The following REDIC1 variants were observed in gnomAD, a reference collection of about 807,000 sequenced individuals.
The protein encoded by REDIC1 is HEI10 Interacting Protein 1.
the REDIC1 span, among the ~76,000 whole-genome samples, chr12:39,629,197 T>C: frequency 1.3e-5 from 2 of 152,182 alleles, no homozygotes; most frequent in Non-Finnish European, 2.9e-5. Context: ...ATTGGAGATC[T>C]AGGTTTCAGC....
the REDIC1 span, among the ~76,000 whole-genome samples, chr12:39,844,177 A>G: frequency 1.3e-5 from 2 of 152,066 alleles, no homozygotes; most frequent in Non-Finnish European, 2.9e-5. Flanking sequence ...ATAGTTAACT[A>G]GTTGTGTTAC....
At chr12:39,794,870 A>G in the REDIC1 span, among the ~76,000 whole-genome samples, 2 of 152,204 alleles carry the variant, frequency 1.3e-5, no homozygotes, top group South Asian at 2.1e-4. Context: ...ATAAAATTAA[A>G]TTCTCTTCTG....
the REDIC1 span, among the ~76,000 whole-genome samples, chr12:39,712,036 A>ATATACCTACCTGTATGTATG: frequency 7.0e-6 from 1 of 142,478 alleles, no homozygotes; most frequent in Non-Finnish European, 1.6e-5. Context: ...ATACATGTAT[A>ATATACCTACCTGTATGTATG]TATACCTACC....
the REDIC1 span, among the ~76,000 whole-genome samples, chr12:39,833,109 T>C: frequency 6.6e-6 from 1 of 152,096 alleles, no homozygotes; most frequent in South Asian, 2.1e-4. Flanking sequence ...ACTACAACTG[T>C]TGAGAAAAAT....
At chr12:39,894,646 C>T in the REDIC1 span, among the ~76,000 whole-genome samples, 3 of 152,134 alleles carry the variant, frequency 2.0e-5, no homozygotes, top group Non-Finnish European at 4.4e-5. Context: ...TCTATTTGGG[C>T]TAATGTATAT....
the REDIC1 span, among the ~76,000 whole-genome samples, chr12:39,680,616 C>T: frequency 6.6e-6 from 1 of 152,096 alleles, no homozygotes; most frequent in Admixed American, 6.5e-5. Flanking sequence ...TCCAGCAATC[C>T]CACTGCTGGG....
At chr12:39,873,992 T>C in the REDIC1 span, among the ~76,000 whole-genome samples, 2 of 152,210 alleles carry the variant, frequency 1.3e-5, no homozygotes, top group Non-Finnish European at 2.9e-5. Context: ...CCCACAGATA[T>C]GTTATTAAAT....
the REDIC1 span, among the ~76,000 whole-genome samples, chr12:39,896,083 C>CAT: frequency 0.98 from 141,993 of 145,108 alleles, 69,487 homozygotes; most frequent in Non-Finnish European, 1. Flanking sequence ...TACACGTGTA[C>CAT]ATATATGTAT....
chr12:39,704,082 TTAAAG>T, the REDIC1 span, among the ~76,000 whole-genome samples: 2 of 152,200 alleles, frequency 1.3e-5, no homozygotes, highest in South Asian at 2.1e-4. Flanking sequence ...TGCGATCTAA[TTAAAG>T]TAAAGAGCTT....
At chr12:39,723,560 T>C in the REDIC1 span, among the ~76,000 whole-genome samples, 1 of 152,072 alleles carries the variant, frequency 6.6e-6, no homozygotes. Context: ...GAAATAAACA[T>C]TGTTTTCATT....
At chr12:39,703,727 G>C in the REDIC1 span, among the ~76,000 whole-genome samples, 41 of 152,058 alleles carry the variant, frequency 2.7e-4, no homozygotes, top group Non-Finnish European at 3.8e-4. Context: ...GGTACCAAAA[G>C]AGAGATATAG....
chr12:39,858,226 G>T, the REDIC1 span, among the ~76,000 whole-genome samples: 166 of 152,226 alleles, frequency 1.1e-3, no homozygotes, highest in African/African-American at 3.9e-3. Flanking sequence ...TGGCAATAAG[G>T]TCACAGGATG....
chr12:39,803,851 G>A, the REDIC1 span, among the ~76,000 whole-genome samples: 1 of 152,108 alleles, frequency 6.6e-6, no homozygotes, highest in Non-Finnish European at 1.5e-5. Context: ...TTTCATAACT[G>A]ATGGAAAACA....
At chr12:39,751,924 G>T in the REDIC1 span, among the ~76,000 whole-genome samples, 2 of 152,122 alleles carry the variant, frequency 1.3e-5, no homozygotes, top group Admixed American at 6.5e-5. Context: ...AAGGGGGAGG[G>T]AAAGCATTAG....
the REDIC1 span, among the ~76,000 whole-genome samples, chr12:39,679,972 T>TTA: frequency 0.026 from 4,020 of 152,234 alleles, 66 homozygotes; most frequent in Middle Eastern, 0.044. Flanking sequence ...ATCTCTCACC[T>TTA]TATATAAAAA....
At chr12:39,754,321 T>A in the REDIC1 span, 1 of 152,126 alleles carries the variant, frequency 6.6e-6, no homozygotes, top group Admixed American at 6.6e-5. Context: ...TATTCAGGTG[T>A]CCGTTATTCA....
the REDIC1 span, among the ~76,000 whole-genome samples, chr12:39,785,675 C>A: frequency 6.6e-6 from 1 of 152,178 alleles, no homozygotes; most frequent in East Asian, 1.9e-4. Flanking sequence ...ACACTCAACG[C>A]CAGCCCGTGA....
the REDIC1 span, among the ~76,000 whole-genome samples, chr12:39,839,244 A>G: frequency 1.3e-4 from 20 of 152,054 alleles, no homozygotes; most frequent in Non-Finnish European, 2.8e-4. Flanking sequence ...CGTGAAGGAC[A>G]GATTCCTATA....
the REDIC1 span, chr12:39,683,430 A>T: frequency 6.3e-7 from 1 of 1,598,708 alleles, no homozygotes; most frequent in Non-Finnish European, 8.6e-7. Context: ...TTTGAAAATG[A>T]TTACCAAGAG....
Sources: allele counts gnomAD v4.1 joint callset (sites outside exome capture counted in the v4.1 genomes callset), GRCh38; gene constraint gnomAD v4.1.1; transcripts MANE v1.5; gene names NCBI Gene and HGNC (gene_info 2026-07-23, HGNC 2026-07-21).